The following OPN3 variants were observed in gnomAD, a reference collection of about 807,000 sequenced individuals.
OPN3 encodes the protein opsin-3.
OPN3 carries 29 observed loss-of-function variants against 33.8 expected under a neutral mutation model. The observed-to-expected ratio is 0.86, with a 90% CI of 0.64 to 1.17. The LOEUF (loss-of-function observed/expected upper bound fraction) is 1.17. Ranked by LOEUF, OPN3 falls within the 50% of genes most tolerant of loss-of-function variation. The pLI is 0.00. For synonymous variants in OPN3, 216 were observed against 216.1 expected, an observed-to-expected ratio of 1.00 and a Z score of 0.00; for missense variants, 437 against 514.1, an observed-to-expected ratio of 0.85 and a Z score of 1.45.
At chr1:241,628,242 T>C (rs891635580) in intron 1 of OPN3, among the ~76,000 whole-genome samples, 41 of 152,098 alleles carry the variant, frequency 2.7e-4, no homozygotes, top group Admixed American at 1.3e-4. Context: ...GGGTAAAAAA[T>C]GTTTTAAATG....
rs189826895 is a variant in OPN3 at position 241,635,906 on chromosome 1, C to T, written c.373+3976G>A. 2,379 of 768,208 alleles carry T rather than the reference C, an allele frequency of 3.1e-3. 4 individuals are homozygous for T. Among genetic ancestry groups the T allele is most frequent in the Non-Finnish European group, 4.0e-3 (1,952 of 485,768 alleles). 47.6% of individuals were successfully genotyped at this position (768,208 alleles called of 1,614,324 possible). ...CAGGTCCTAGCTGTTTAACGGTTACCCTTTTAAAATATTTTTTTTCTTATA... is the reference window on the plus strand; with the variant it reads ...CAGGTCCTAGCTGTTTAACGGTTACTCTTTTAAAATATTTTTTTTCTTATA... On this transcript the variant is annotated intron_variant, in intron 1 of 3. Transcript: ENST00000366554.
intron 1 of OPN3, among the ~76,000 whole-genome samples, chr1:241,605,070 T>TAA: frequency 8.4e-6 from 1 of 118,556 alleles, no homozygotes; most frequent in South Asian, 2.9e-4. Context: ...AAAAAAAAAA[T>TAA]AAAATAAAAT....
At chr1:241,630,808 T>C (rs1664602878) in intron 1 of OPN3, 1 of 152,226 alleles carries the variant, frequency 6.6e-6, no homozygotes, top group South Asian at 2.1e-4. Context: ...TGAAAAGTTA[T>C]CTGTAATTAA....
chr1:241,633,713 C>G, intron 1 of OPN3: 1 of 1,422,280 alleles, frequency 7.0e-7, no homozygotes, highest in Non-Finnish European at 9.7e-7. Context: ...CTTCTAATTA[C>G]TCATATGGGA....
chr1:241,639,978 A>G lies in OPN3; in HGVS notation c.277T>C (p.Phe93Leu), dbSNP rs751741269. 1 of 1,612,644 alleles carries G rather than the reference A, an allele frequency of 6.2e-7. No homozygotes were observed. Among genetic ancestry groups the G allele is most frequent in the Non-Finnish European group, 8.5e-7 (1 of 1,179,416 alleles). Residue 93 changes from phenylalanine to leucine, a missense_variant, in exon 1 of 4, where the codon TTC becomes CTC. Phe to Leu is a conservative substitution (Grantham distance 22, BLOSUM62 0). Transcript: ENST00000366554. ...ISLSDLLVSL[F>L]GVTFTFVSCL... ...GACACGAAGGTAAAGGTGACCCCGAAGAGGGACACCAGCAGGTCGCTGAGG... is the reference window on the plus strand; with the variant it reads ...GACACGAAGGTAAAGGTGACCCCGAGGAGGGACACCAGCAGGTCGCTGAGG...
At chr1:241,639,763 G>GCGCGGGGC in intron 1 of OPN3, 119 bp downstream of exon 1, 1 of 1,065,678 alleles carries the variant, frequency 9.4e-7, no homozygotes, top group Non-Finnish European at 1.3e-6. Context: ...AGGGCGGGGG[G>GCGCGGGGC]CGCGGGGCCG....
rs749835501 is a variant in OPN3, at chr1:241,594,657, C to A, written c.980G>T (p.Arg327Leu). 6.2e-7 allele frequency: 1 copy of A among 1,613,858 alleles called. No homozygotes were observed. The highest frequency in any genetic ancestry group is 2.2e-5 in the East Asian group (1 of 44,868). Reference sequence around the variant, plus strand: ...AGCAGGCCTCTGGCACCTCAGCAGTCGGAGGCACAGAAGCTGCAAAAGGGA... The same window carrying A: ...AGCAGGCCTCTGGCACCTCAGCAGTAGGAGGCACAGAAGCTGCAAAAGGGA... The part of the protein sequence containing the change: ...RRSLLQLLCL[R>L]LLRCQRPAKD... Residue 327 changes from arginine (R) to leucine (L), a missense_variant, in exon 4 of 4, where the codon CGA (arginine) becomes CTA (leucine). Physicochemically the swap from Arg to Leu is moderately radical, Grantham distance 102. Coordinates refer to ENST00000366554, the MANE Select transcript of OPN3 (RefSeq NM_014322.3).
intron 1 of OPN3, among the ~76,000 whole-genome samples, chr1:241,628,642 TCTATTA>T (rs1476490676): frequency 6.6e-6 from 1 of 152,212 alleles, no homozygotes; most frequent in Non-Finnish European, 1.5e-5. Context: ...TACTAATATT[TCTATTA>T]CTATTCCTTA....
rs144399024 is a variant in OPN3, at chr1:241,604,320, C to T, written c.633G>A (p.Leu211=). 6.2e-7 allele frequency: 1 copy of T among 1,614,194 alleles called. No homozygotes were observed. Among genetic ancestry groups the T allele is most frequent in the Non-Finnish European group, 8.5e-7 (1 of 1,180,026 alleles). Residue 211 remains leucine, a synonymous_variant, in exon 2 of 4, where the codon CTG becomes CTA. Coordinates refer to ENST00000366554, the MANE Select transcript of OPN3 (RefSeq NM_014322.3). ...GGGCTATGACACCCAGGGGCACCAC[C>T]AGGCAGCCAAGAAATAAGAAAAGCA... ...SFVLFLFLGC[L]VVPLGVIAHC...
intron 1 of OPN3, chr1:241,634,950 C>T (rs755606738): frequency 3.1e-6 from 5 of 1,613,348 alleles, no homozygotes; most frequent in East Asian, 2.2e-5. Flanking sequence ...ACTTGTTCTA[C>T]CTTTCCTTCC....
chr1:241,637,855 G>A (rs947030936), intron 1 of OPN3, among the ~76,000 whole-genome samples: 4 of 152,102 alleles, frequency 2.6e-5, no homozygotes, highest in African/African-American at 7.2e-5. Context: ...AACAGATAGG[G>A]CAAGCCTCTC....
intron 1 of OPN3, chr1:241,630,519 C>T (rs766906897): frequency 7.2e-5 from 11 of 151,980 alleles, no homozygotes; most frequent in Non-Finnish European, 1.2e-4. Flanking sequence ...CATTTTTATA[C>T]TATAAGTTTT....
intron 1 of OPN3, among the ~76,000 whole-genome samples, chr1:241,625,136 GTTCTTATC>G (rs1402832597): frequency 1.3e-5 from 2 of 152,272 alleles, no homozygotes; most frequent in Non-Finnish European, 2.9e-5. Context: ...TCTAGTTAAA[GTTCTTATC>G]TGCATTAAGC....
intron 1 of OPN3, among the ~76,000 whole-genome samples, chr1:241,627,470 AAAG>A (rs1664453570): frequency 1.3e-5 from 2 of 152,222 alleles, no homozygotes; most frequent in African/African-American, 4.8e-5. Context: ...TTTTATCTAC[AAAG>A]AAACTGGTAT....
At chr1:241,631,452 T>G (rs889720619) in intron 1 of OPN3, 1 of 152,122 alleles carries the variant, frequency 6.6e-6, no homozygotes, top group Non-Finnish European at 1.5e-5. Context: ...TTCAAGTATT[T>G]CAGTTGTTCT....
At chr1:241,613,394 G>A (rs1011888491) in intron 1 of OPN3, among the ~76,000 whole-genome samples, 8 of 152,148 alleles carry the variant, frequency 5.3e-5, no homozygotes, top group African/African-American at 1.7e-4. Context: ...GCCAAGACTC[G>A]AATCACACAG....
intron 1 of OPN3, among the ~76,000 whole-genome samples, chr1:241,620,412 G>A (rs1417728165): frequency 6.6e-6 from 1 of 152,182 alleles, no homozygotes; most frequent in Non-Finnish European, 1.5e-5. Context: ...GACATCTTTG[G>A]AAGGTGATTA....
chr1:241,596,513 A>C (rs572391066), intron 3 of OPN3, among the ~76,000 whole-genome samples: 3 of 152,314 alleles, frequency 2.0e-5, no homozygotes, highest in Non-Finnish European at 4.4e-5. Context: ...AGTGTAAGCC[A>C]ATAATACTCA....
chr1:241,640,292 A>G lies in OPN3; in HGVS notation c.-38T>C. The G allele has an allele frequency of 8.8e-7, 1 of 1,142,706 alleles. No individual in the cohort carries two copies. The highest frequency in any genetic ancestry group is 3.6e-4 in the Middle Eastern group (1 of 2,744). 70.8% of individuals were successfully genotyped at this position (1,142,706 alleles called of 1,614,324 possible). On this transcript the variant is annotated 5_prime_UTR_variant, in exon 1 of 4. The change abolishes the stop of an existing upstream ORF in the 5' untranslated region. Transcript: ENST00000366554. ...GCGCGCCTGGCGGGCGGAGGCGCTC[A>G]GCTTGCGGCGGGGCTCGCGGCGCGC...
Sources: gnomAD v4.1 joint callset for allele counts (sites outside exome capture counted in the v4.1 genomes callset) on GRCh38, gnomAD v4.1.1 for gene constraint, MANE v1.5 for transcripts, NCBI Gene and HGNC (gene_info 2026-07-23, HGNC 2026-07-21) for gene names.